AUTS2: variants seen among roughly 807,000 people sequenced by gnomAD.
AUTS2 encodes autism susceptibility gene 2 protein.
AUTS2 carries 17 observed loss-of-function variants against 112.4 expected under a neutral mutation model. The ratio of observed to expected loss-of-function variants is 0.15; its 90% CI spans 0.10 to 0.23. The LOEUF (loss-of-function observed/expected upper bound fraction) is 0.23, where lower values mean the gene tolerates loss of function less well. Among genes scored for constraint, AUTS2 ranks in the 10% least tolerant of loss-of-function variants. AUTS2 has a pLI of 1.00. For missense variants in AUTS2, 1,510 were observed against 1,701.6 expected, an observed-to-expected ratio of 0.89 and a Z score of 1.98; for synonymous variants, 751 against 702.7, an observed-to-expected ratio of 1.07 and a Z score of -1.09.
chr7:70,346,264 G>A (rs970307832), intron 4 of AUTS2, among the ~76,000 whole-genome samples: 3 of 152,036 alleles, frequency 2.0e-5, no homozygotes, highest in Non-Finnish European at 2.9e-5. Context: ...GTGATACTCA[G>A]GAGATTATTT....
chr7:69,886,640 C>G (rs1489886157), intron 1 of AUTS2, among the ~76,000 whole-genome samples: 1 of 152,132 alleles, frequency 6.6e-6, no homozygotes, highest in Non-Finnish European at 1.5e-5. Flanking sequence ...CCTAAATGGG[C>G]CACTCTGTGA....
chr7:69,948,962 C>T (rs1290860842), intron 2 of AUTS2, among the ~76,000 whole-genome samples: 1 of 151,994 alleles, frequency 6.6e-6, no homozygotes, highest in African/African-American at 2.4e-5. Context: ...TGTGCCACCA[C>T]ACCTGGCTAA....
intron 1 of AUTS2, among the ~76,000 whole-genome samples, chr7:69,624,303 A>G (rs1793828775): frequency 1.3e-5 from 2 of 152,212 alleles, no homozygotes; most frequent in South Asian, 2.1e-4. Flanking sequence ...GTAGCCAGGT[A>G]TCTTTATCTG....
At chr7:69,671,593 C>G (rs968112416) in intron 1 of AUTS2, among the ~76,000 whole-genome samples, 1 of 151,124 alleles carries the variant, frequency 6.6e-6, no homozygotes, top group Non-Finnish European at 1.5e-5. Flanking sequence ...TTTGGCAGCC[C>G]TAGTATCTAA....
intron 5 of AUTS2, among the ~76,000 whole-genome samples, chr7:70,496,242 C>A (rs1798493130): frequency 1.6e-5 from 2 of 127,474 alleles, no homozygotes; most frequent in South Asian, 2.6e-4. Flanking sequence ...CACAGTCACA[C>A]ACACACACAC....
At chr7:69,760,244 T>C (rs1301114280) in intron 1 of AUTS2, among the ~76,000 whole-genome samples, 1 of 149,024 alleles carries the variant, frequency 6.7e-6, no homozygotes, top group Non-Finnish European at 1.5e-5. Context: ...CATGTTGACC[T>C]GGCCGATCTC....
intron 6 of AUTS2, among the ~76,000 whole-genome samples, chr7:70,745,318 A>C (rs547407396): frequency 6.6e-6 from 1 of 151,990 alleles, no homozygotes; most frequent in African/African-American, 2.4e-5. Context: ...AGTTTTTAGC[A>C]GTTCTCGTTG....
chr7:70,476,794 G>T (rs538783658), intron 5 of AUTS2, among the ~76,000 whole-genome samples: 1 of 152,270 alleles, frequency 6.6e-6, no homozygotes, highest in South Asian at 2.1e-4. Flanking sequence ...AAAATTTGTT[G>T]TAATATTTAA....
In AUTS2 at chr7:70,503,516, ATT is replaced by A. The variant is rs5884783; in HGVS notation, c.690+67754_690+67755del. Among the ~76,000 whole-genome samples, 152 of 120,158 alleles carry A rather than the reference ATT, an allele frequency of 1.3e-3. 2 individuals are homozygous for A. The highest frequency in any genetic ancestry group is 4.4e-3 in the Middle Eastern group (1 of 228). 78.8% of individuals were successfully genotyped at this position (120,158 alleles called of 152,430 possible). A position where few individuals can be genotyped will look rare whatever the true frequency, so the allele number is the denominator to read the frequency against. On this transcript the variant is annotated intron_variant, in intron 5 of 18. Transcript: ENST00000342771. ...GGGAACAGAGCAAGACTCCCGTCTC[ATT>A]TTTTTTTTTTTTTTTTTTGAGATAG... is the stretch of plus-strand genomic sequence containing the variant.
In AUTS2 at chr7:69,844,990, G is replaced by A. The variant is rs143977720; in HGVS notation, c.310-54296G>A. The stretch of plus-strand genomic sequence containing the variant: ...ATAAATAAGATGCTTTCAATTATGA[G>A]TAATGGAAAACCCATCTAACAAAGT... On this transcript the variant is annotated intron_variant, in intron 1 of 18. Transcript: ENST00000342771. Among the ~76,000 whole-genome samples the A allele has an allele frequency of 2.5e-3, 381 of 152,266 alleles. 2 individuals are homozygous for A. The highest frequency in any genetic ancestry group is 8.7e-3 in the African/African-American group (361 of 41,548).
chr7:69,612,039 A>G (rs980101754), intron 1 of AUTS2, among the ~76,000 whole-genome samples: 2 of 151,356 alleles, frequency 1.3e-5, no homozygotes, highest in Non-Finnish European at 2.9e-5. Flanking sequence ...CCTTTTATCT[A>G]TATTTCAAAA....
chr7:70,359,046 G>A (rs1025834009), intron 4 of AUTS2, among the ~76,000 whole-genome samples: 2 of 152,160 alleles, frequency 1.3e-5, no homozygotes, highest in Non-Finnish European at 2.9e-5. Flanking sequence ...AGCATTTAAA[G>A]TATAGCATAC....
At chr7:70,118,474 A>G (rs1805504813) in intron 3 of AUTS2, 1 of 408,470 alleles carries the variant, frequency 2.4e-6, no homozygotes, top group African/African-American at 2.1e-5. Context: ...AGGAGGAACT[A>G]TTTGTTACCT....
At chr7:70,122,381 T>G (rs1012138624) in intron 3 of AUTS2, among the ~76,000 whole-genome samples, 3 of 152,262 alleles carry the variant, frequency 2.0e-5, no homozygotes, top group Non-Finnish European at 4.4e-5. Flanking sequence ...ATGCTTATTC[T>G]GCTTTCACTT....
At chr7:70,363,124 G>A (rs1288263170) in intron 4 of AUTS2, among the ~76,000 whole-genome samples, 1 of 152,162 alleles carries the variant, frequency 6.6e-6, no homozygotes, top group Non-Finnish European at 1.5e-5. Context: ...TGTAAGTACA[G>A]TGTATCTTTT....
chr7:70,459,809 C>T (rs1796888777), intron 5 of AUTS2, among the ~76,000 whole-genome samples: 1 of 152,186 alleles, frequency 6.6e-6, no homozygotes, highest in Non-Finnish European at 1.5e-5. Flanking sequence ...ACTGTAGGTT[C>T]AGTGAGACTC....
intron 2 of AUTS2, among the ~76,000 whole-genome samples, chr7:69,960,516 A>T (rs879422180): frequency 4.6e-5 from 7 of 152,188 alleles, no homozygotes; most frequent in Non-Finnish European, 1.0e-4. Context: ...GCTGCCATTT[A>T]TCTGTGTAAT....
chr7:70,383,014 A>T (rs1278832808), intron 4 of AUTS2, among the ~76,000 whole-genome samples: 1 of 152,218 alleles, frequency 6.6e-6, no homozygotes, highest in Non-Finnish European at 1.5e-5. Context: ...TCCAGAACTG[A>T]GATCAAATTC....
In AUTS2 at chr7:70,276,749, T is replaced by G. The variant is rs539306248; in HGVS notation, c.660+142178T>G. Among the ~76,000 whole-genome samples the G allele has an allele frequency of 1.5e-4, 23 of 152,262 alleles. No homozygotes were observed. In the South Asian group the frequency reaches 4.8e-3, roughly 32 times the overall value. On this transcript the variant is annotated intron_variant, in intron 4 of 18. Transcript: ENST00000342771. The stretch of plus-strand genomic sequence containing the variant: ...AAGGCAACCTGTTAATATAGGTCTC[T>G]CAGTTGCAGGCTTTTCTTATTCTAT...
Sources: allele counts gnomAD v4.1 joint callset (sites outside exome capture counted in the v4.1 genomes callset), GRCh38; gene constraint gnomAD v4.1.1; transcripts MANE v1.5; gene names NCBI Gene and HGNC (gene_info 2026-07-23, HGNC 2026-07-21).